MAGI2: variants seen among roughly 807,000 people sequenced by gnomAD.
MAGI2 encodes membrane associated guanylate kinase, WW and PDZ domain containing 2.
In MAGI2, 35 loss-of-function variants were observed where a neutral mutation model predicts 133.3. That is an observed-to-expected ratio of 0.26 (90% CI 0.20 to 0.35). The LOEUF (loss-of-function observed/expected upper bound fraction) is 0.35. Ranked by LOEUF, MAGI2 falls within the 10% of genes least tolerant of loss-of-function variation. The pLI, the probability that MAGI2 is intolerant of heterozygous loss-of-function variation, is 1.00. For missense variants in MAGI2, 1,636 were observed against 1,863.4 expected (o/e 0.88, Z 2.25); for synonymous variants, 729 against 710.6 (o/e 1.03, Z -0.41).
chr7:78,663,148 C>T (rs1417332644), intron 2 of MAGI2, among the ~76,000 whole-genome samples: 2 of 151,514 alleles, frequency 1.3e-5, no homozygotes, highest in Admixed American at 6.6e-5. Context: ...TATTTGGTTA[C>T]CATGGTTACC....
intron 2 of MAGI2, among the ~76,000 whole-genome samples, chr7:78,648,441 G>A (rs1186708747): frequency 1.3e-5 from 2 of 152,190 alleles, no homozygotes; most frequent in African/African-American, 4.8e-5. Flanking sequence ...AGATACAACA[G>A]CTGAAACCTG....
intron 15 of MAGI2, 27 bp from the exon 16 acceptor site, chr7:78,160,300 TC>T (rs770408640): frequency 8.3e-5 from 129 of 1,545,474 alleles, no homozygotes; most frequent in Non-Finnish European, 1.0e-4. Flanking sequence ...ACACAGGTAA[TC>T]AATTACCTTA....
At chr7:78,296,124 T>C (rs1797210221) in intron 9 of MAGI2, among the ~76,000 whole-genome samples, 3 of 152,154 alleles carry the variant, frequency 2.0e-5, no homozygotes, top group African/African-American at 7.2e-5. Context: ...GAGTCCATTG[T>C]CAATCAGAGT....
chr7:78,313,309 T>C (rs1798877112), intron 9 of MAGI2, among the ~76,000 whole-genome samples: 1 of 152,116 alleles, frequency 6.6e-6, no homozygotes, highest in Non-Finnish European at 1.5e-5. Flanking sequence ...TATATCTATG[T>C]AACAAAATTG....
intron 1 of MAGI2, among the ~76,000 whole-genome samples, chr7:79,057,582 C>T (rs909754670): frequency 5.3e-5 from 8 of 152,196 alleles, no homozygotes; most frequent in Admixed American, 5.2e-4. Flanking sequence ...AGTGCACCTG[C>T]ACACTTCTCT....
chr7:78,393,658 C>G (rs1466221587), intron 6 of MAGI2, among the ~76,000 whole-genome samples: 1 of 152,122 alleles, frequency 6.6e-6, no homozygotes, highest in African/African-American at 2.4e-5. Flanking sequence ...GGGATAATGA[C>G]AGTAGGTAGA....
chr7:79,271,406 A>G (rs1027057514), intron 1 of MAGI2, among the ~76,000 whole-genome samples: 1 of 152,108 alleles, frequency 6.6e-6, no homozygotes, highest in African/African-American at 2.4e-5. Context: ...AATGGACTTA[A>G]GCCTCTGAGG....
intron 20 of MAGI2, among the ~76,000 whole-genome samples, chr7:78,111,827 T>C (rs1819393856): frequency 6.6e-6 from 1 of 152,076 alleles, no homozygotes; most frequent in Non-Finnish European, 1.5e-5. Flanking sequence ...GACGAAATGG[T>C]CTTTGGGATG....
chr7:79,051,504 AT>A (rs1459464061), intron 1 of MAGI2, among the ~76,000 whole-genome samples: 1 of 152,142 alleles, frequency 6.6e-6, no homozygotes, highest in Non-Finnish European at 1.5e-5. Flanking sequence ...TGTATCTGCC[AT>A]TTTTCATCGT....
intron 2 of MAGI2, among the ~76,000 whole-genome samples, chr7:78,751,892 T>C (rs1425548338): frequency 6.6e-6 from 1 of 152,220 alleles, no homozygotes; most frequent in Non-Finnish European, 1.5e-5. Flanking sequence ...AGAAGTTCTA[T>C]TGTTTTATGG....
rs779009913 is a variant in MAGI2, at chr7:78,370,940, G to T, written c.1046-1727C>A. 1.0e-3 allele frequency among the ~76,000 whole-genome samples: 154 copies of T among 151,952 alleles called. 6 individuals carry two copies. The highest frequency in any genetic ancestry group is 4.2e-4 in the South Asian group (2 of 4,814). Reference sequence around the variant, plus strand: ...ACCTTAAGAAATCTTTCTTTCAGAAGGATAATAAGAGTAAACCTTTACTGA... The same window carrying T: ...ACCTTAAGAAATCTTTCTTTCAGAATGATAATAAGAGTAAACCTTTACTGA... On this transcript the variant is annotated intron_variant, in intron 6 of 21. Transcript: ENST00000354212.
chr7:78,495,268 C>T (rs1793982071), intron 5 of MAGI2, among the ~76,000 whole-genome samples: 1 of 152,168 alleles, frequency 6.6e-6, no homozygotes, highest in African/African-American at 2.4e-5. Flanking sequence ...CCCTAGGCCC[C>T]TATCCCCCAA....
chr7:78,604,073 A>T (rs554251845), intron 3 of MAGI2, among the ~76,000 whole-genome samples: 10 of 152,232 alleles, frequency 6.6e-5, no homozygotes, highest in Non-Finnish European at 1.5e-4. Context: ...ATGAAACATA[A>T]TTATGAGATT....
At chr7:79,378,341 C>A (rs1191349071) in intron 1 of MAGI2, among the ~76,000 whole-genome samples, 1 of 151,712 alleles carries the variant, frequency 6.6e-6, no homozygotes, top group Non-Finnish European at 1.5e-5. Context: ...TCATTTAATC[C>A]TTGTAAAACT....
intron 20 of MAGI2, among the ~76,000 whole-genome samples, chr7:78,093,304 A>T (rs1817404833): frequency 6.6e-6 from 1 of 150,832 alleles, no homozygotes; most frequent in Non-Finnish European, 1.5e-5. Context: ...TTAAAAATGT[A>T]AAAAAAAATC....
At chr7:79,443,973 T>A (rs1848667402) in intron 1 of MAGI2, among the ~76,000 whole-genome samples, 1 of 152,198 alleles carries the variant, frequency 6.6e-6, no homozygotes, top group Non-Finnish European at 1.5e-5. Flanking sequence ...AGTTATGAGG[T>A]TGATAAAATT....
At chr7:79,045,735 T>C (rs1267260153) in intron 1 of MAGI2, among the ~76,000 whole-genome samples, 1 of 152,176 alleles carries the variant, frequency 6.6e-6, no homozygotes, top group East Asian at 1.9e-4. Flanking sequence ...GAGCTTGCAG[T>C]GAGCCAAGAT....
At position 78,910,263 on chromosome 7, in the gene MAGI2, CTT is replaced by C. The variant is rs71085572; in HGVS notation, c.418+96825_418+96826del. ...GTGAATCCTGGAACTTAAAGTAATT[CTT>C]TTTTTTTTTTTTTTTTAAAGGAAAA... On this transcript the variant is annotated intron_variant, in intron 2 of 21. Coordinates refer to ENST00000354212, the MANE Select transcript of MAGI2 (RefSeq NM_012301.4). Among the ~76,000 whole-genome samples the C allele has an allele frequency of 2.1e-3, 263 of 128,018 alleles. 1 individual carries two copies. Among genetic ancestry groups the C allele is most frequent in the African/African-American group, 7.5e-3 (237 of 31,752 alleles). 84.0% of individuals were successfully genotyped at this position (128,018 alleles called of 152,430 possible). A position where few individuals can be genotyped will look rare whatever the true frequency, so the allele number is the denominator to read the frequency against.
At chr7:78,144,904 C>T (rs1823143494) in intron 16 of MAGI2, among the ~76,000 whole-genome samples, 1 of 152,060 alleles carries the variant, frequency 6.6e-6, no homozygotes, top group Non-Finnish European at 1.5e-5. Flanking sequence ...CCCATGTGCT[C>T]TGGTGTGTGT....
Sources: gnomAD v4.1 joint callset for allele counts (sites outside exome capture counted in the v4.1 genomes callset) on GRCh38, gnomAD v4.1.1 for gene constraint, MANE v1.5 for transcripts, NCBI Gene and HGNC (gene_info 2026-07-23, HGNC 2026-07-21) for gene names.